The following PIK3C2A variants were observed in gnomAD, a reference collection of about 807,000 sequenced individuals.
PIK3C2A encodes the protein phosphatidylinositol 4-phosphate 3-kinase C2 domain-containing subunit alpha.
Under a neutral mutation model 204.5 loss-of-function variants are expected in PIK3C2A, and 97 were observed. That is an observed-to-expected ratio of 0.47 (90% CI 0.40 to 0.56). The LOEUF is 0.56. PIK3C2A is among the 20% of genes least tolerant of loss of function. PIK3C2A has a pLI of 0.00. For synonymous variants in PIK3C2A, 653 were observed against 664.4 expected (o/e 0.98, Z 0.26); for missense variants, 1,735 against 1,969.2 (o/e 0.88, Z 2.25).
intron 3 of PIK3C2A, among the ~76,000 whole-genome samples, chr11:17,154,537 C>T (rs145094771): frequency 6.6e-6 from 1 of 152,144 alleles, no homozygotes; most frequent in African/African-American, 2.4e-5. Context: ...AAAAAAATCT[C>T]CCAGTGGTGA....
At chr11:17,136,652 ATAGG>A in intron 8 of PIK3C2A, 27 bp from the exon 9 acceptor site, 2 of 1,375,262 alleles carry the variant, frequency 1.5e-6, no homozygotes, top group Middle Eastern at 2.4e-4. Flanking sequence ...TAAAATAAAA[ATAGG>A]TAGGTGAAAT....
intron 1 of PIK3C2A, among the ~76,000 whole-genome samples, chr11:17,172,024 A>G (rs1163425436): frequency 6.6e-6 from 1 of 152,238 alleles, no homozygotes; most frequent in African/African-American, 2.4e-5. Flanking sequence ...TGATACAAAT[A>G]TGAGTATTCA....
At chr11:17,115,166 T>G (rs1849138669) in intron 19 of PIK3C2A, among the ~76,000 whole-genome samples, 1 of 151,846 alleles carries the variant, frequency 6.6e-6, no homozygotes, top group Admixed American at 6.6e-5. Context: ...TAGCCAAAAA[T>G]AATAATGAAA....
intron 21 of PIK3C2A, among the ~76,000 whole-genome samples, chr11:17,111,497 A>T (rs775228756): frequency 6.6e-6 from 1 of 152,216 alleles, no homozygotes; most frequent in Non-Finnish European, 1.5e-5. Context: ...ACTGGATAAA[A>T]TAATTTAAAA....
At chr11:17,196,046 AAAAAG>A (rs926394514) in intron 1 of PIK3C2A, among the ~76,000 whole-genome samples, 1 of 152,178 alleles carries the variant, frequency 6.6e-6, no homozygotes, top group Non-Finnish European at 1.5e-5. Context: ...CTCGAAAGAA[AAAAAG>A]AAAAGAAAAG....
Position 17,168,904 on chromosome 11 carries a change from T to C in PIK3C2A, c.838A>G (p.Lys280Glu). ...WLDLDPLSKP[K>E]VDNVEVLDHE... ...TCTAATACCTCCACATTATCCACCT[T>C]AGGCTTACTTAGAGGATCCAAGTCT... The change falls in exon 2 of 33, where the codon AAG becomes GAG. Residue 280 changes from lysine (K) to glutamate (E), a missense_variant. Coordinates refer to ENST00000691414, the MANE Select transcript of PIK3C2A (RefSeq NM_002645.4). 6.2e-7 allele frequency: 1 copy of C among 1,614,156 alleles called. No homozygotes were observed. The highest frequency in any genetic ancestry group is 8.5e-7 in the Non-Finnish European group (1 of 1,179,992).
chr11:17,148,151 G>A (rs2137429233), intron 5 of PIK3C2A: 1 of 152,640 alleles, frequency 6.6e-6, no homozygotes, highest in South Asian at 2.1e-4. Flanking sequence ...GGAGGTTGTG[G>A]TGAGCCAAGA....
At chr11:17,195,620 G>A (rs549547564) in intron 1 of PIK3C2A, among the ~76,000 whole-genome samples, 5 of 151,906 alleles carry the variant, frequency 3.3e-5, no homozygotes, top group Admixed American at 6.6e-5. Context: ...TGTTGCTGTC[G>A]TCGTCCCAGC....
Position 17,135,016 on chromosome 11 carries a change from A to G in PIK3C2A, c.1911T>C (p.Pro637=), listed in dbSNP as rs753276806. Residue 637 remains proline (P), a synonymous_variant, in exon 11 of 33, where the codon CCT becomes CCC. Transcript: ENST00000691414. ...SRSSTRGSLN[P]ENPVQVSINQ... is the part of the protein sequence containing the mutation. ...TTATGCTTACTTGAACAGGATTTTCAGGATTAAGTGAGCCTAGATTAAAGA... is the reference window on the plus strand; with the variant it reads ...TTATGCTTACTTGAACAGGATTTTCGGGATTAAGTGAGCCTAGATTAAAGA... 6.2e-7 allele frequency: 1 copy of G among 1,613,738 alleles called. No individual in the cohort carries two copies. Among genetic ancestry groups the G allele is most frequent in the African/African-American group, 1.3e-5 (1 of 74,920 alleles).
intron 1 of PIK3C2A, among the ~76,000 whole-genome samples, chr11:17,189,169 A>G (rs1382843897): frequency 6.8e-6 from 1 of 147,252 alleles, no homozygotes; most frequent in East Asian, 1.9e-4. Context: ...GGTAAACTGA[A>G]TCAAACTACA....
chr11:17,148,559 T>A, intron 5 of PIK3C2A, 108 bp downstream of exon 5: 1 of 868,572 alleles, frequency 1.2e-6, no homozygotes, highest in Non-Finnish European at 1.8e-6. Flanking sequence ...ATCAATTCAA[T>A]AGGATCCAAT....
intron 24 of PIK3C2A, among the ~76,000 whole-genome samples, 199 bp downstream of exon 24, chr11:17,102,463 C>G (rs949067492): frequency 2.0e-5 from 3 of 152,052 alleles, no homozygotes; most frequent in African/African-American, 7.2e-5. Context: ...AACAAAACAA[C>G]AACAACAACA....
intron 1 of PIK3C2A, among the ~76,000 whole-genome samples, chr11:17,177,336 T>C (rs1017239583): frequency 3.3e-5 from 5 of 152,202 alleles, no homozygotes; most frequent in African/African-American, 9.7e-5. Flanking sequence ...GCAAGAACTT[T>C]TTCTCATCTT....
intron 27 of PIK3C2A, among the ~76,000 whole-genome samples, chr11:17,095,411 T>TAAAAAA: frequency 9.1e-6 from 1 of 110,178 alleles, no homozygotes; most frequent in Non-Finnish European, 1.8e-5. Context: ...CTGTCTCTAC[T>TAAAAAA]AAAAAAAAAA....
intron 2 of PIK3C2A, among the ~76,000 whole-genome samples, chr11:17,165,695 A>T (rs1364994321): frequency 6.9e-6 from 1 of 144,942 alleles, no homozygotes; most frequent in Non-Finnish European, 1.5e-5. Context: ...GAATCGCTTG[A>T]ACCCAGCAGG....
intron 1 of PIK3C2A, among the ~76,000 whole-genome samples, chr11:17,204,909 G>T (rs1852512518): frequency 6.6e-6 from 1 of 152,186 alleles, no homozygotes; most frequent in Admixed American, 6.5e-5. Flanking sequence ...CAGGCGCAGT[G>T]GCTCACACCT....
chr11:17,104,868 A>G (rs1433703182), intron 23 of PIK3C2A, among the ~76,000 whole-genome samples: 1 of 151,748 alleles, frequency 6.6e-6, no homozygotes, highest in Non-Finnish European at 1.5e-5. Context: ...TCATTTCCCT[A>G]CCTTCCTCCA....
chr11:17,206,992 A>C (rs1852602958), intron 1 of PIK3C2A, among the ~76,000 whole-genome samples: 1 of 152,168 alleles, frequency 6.6e-6, no homozygotes, highest in African/African-American at 2.4e-5. Flanking sequence ...CTATCGGGCC[A>C]GTATAGGAAA....
intron 23 of PIK3C2A, 125 bp downstream of exon 23, chr11:17,105,044 G>C (rs561607563): frequency 1.2e-4 from 80 of 687,956 alleles, no homozygotes; most frequent in Non-Finnish European, 1.6e-4. Context: ...CTTAGAAAAA[G>C]ATGCTCTTTT....
Sources: allele counts gnomAD v4.1 joint callset (sites outside exome capture counted in the v4.1 genomes callset), GRCh38; gene constraint gnomAD v4.1.1; transcripts MANE v1.5; gene names NCBI Gene and HGNC (gene_info 2026-07-23, HGNC 2026-07-21).